Variants in PIP5K1A observed in about 807,000 individuals in gnomAD.
The protein encoded by PIP5K1A is phosphatidylinositol 4-phosphate 5-kinase type-1 alpha.
PIP5K1A carries 46 observed loss-of-function variants against 72.9 expected under a neutral mutation model. The ratio of observed to expected loss-of-function variants is 0.63; its 90% CI spans 0.50 to 0.81. The LOEUF (loss-of-function observed/expected upper bound fraction) is 0.81, where lower values mean the gene tolerates loss of function less well. Ranked by LOEUF, PIP5K1A falls within the 30% of genes least tolerant of loss-of-function variation. The probability of loss-of-function intolerance (pLI) is 0.00; values close to 1 mark genes in which losing one functional copy is unlikely to be tolerated. For missense variants in PIP5K1A, 458 were observed against 706.1 expected, an observed-to-expected ratio of 0.65 and a Z score of 3.98; for synonymous variants, 228 against 255.1, an observed-to-expected ratio of 0.89 and a Z score of 1.01.
At chr1:151,234,125 A>G in intron 7 of PIP5K1A, 72 bp from the exon 8 acceptor site, 2 of 1,175,578 alleles carry the variant, frequency 1.7e-6, no homozygotes, top group South Asian at 1.5e-5. Flanking sequence ...ATGGGTGGTA[A>G]CTTTTACTGG....
At chr1:151,229,093 G>C (rs1194735441) in intron 4 of PIP5K1A, among the ~76,000 whole-genome samples, 1 of 148,936 alleles carries the variant, frequency 6.7e-6, no homozygotes, top group Non-Finnish European at 1.5e-5. Context: ...GCTTGAACCT[G>C]GGAGGCGAAG....
intron 14 of PIP5K1A, among the ~76,000 whole-genome samples, chr1:151,243,826 ATTTAC>A (rs1264059433): frequency 6.6e-6 from 1 of 151,998 alleles, no homozygotes; most frequent in African/African-American, 2.4e-5. Context: ...TCTCCTTGGG[ATTTAC>A]TCCATTAGAC....
At chr1:151,233,831 G>T (rs587737955) in intron 7 of PIP5K1A, 79 of 207,864 alleles carry the variant, frequency 3.8e-4, no homozygotes, top group Non-Finnish European at 6.6e-4. Flanking sequence ...TACTCTGATT[G>T]CTATTGGAGG....
chr1:151,206,284 C>G (rs1412046484), intron 1 of PIP5K1A, among the ~76,000 whole-genome samples: 1 of 152,108 alleles, frequency 6.6e-6, no homozygotes, highest in Non-Finnish European at 1.5e-5. Flanking sequence ...CCTGGAAAAT[C>G]TCTCTTGTTG....
chr1:151,230,836 G>A (rs587732787), intron 4 of PIP5K1A, among the ~76,000 whole-genome samples: 13 of 152,212 alleles, frequency 8.5e-5, no homozygotes, highest in Middle Eastern at 3.4e-3. Flanking sequence ...CTCCGCCCGC[G>A]CCCACCCCAC....
At chr1:151,203,630 C>T (rs373042539) in intron 1 of PIP5K1A, among the ~76,000 whole-genome samples, 18 of 151,938 alleles carry the variant, frequency 1.2e-4, no homozygotes, top group Middle Eastern at 3.4e-3. Context: ...TGGAGACCAT[C>T]CTAACCAACG....
At chr1:151,234,518 CA>C in intron 8 of PIP5K1A, 22 bp downstream of exon 8, 1 of 1,598,750 alleles carries the variant, frequency 6.3e-7, no homozygotes, top group East Asian at 2.2e-5. Context: ...ACTTAGACAT[CA>C]AAAATCTCAG....
intron 1 of PIP5K1A, among the ~76,000 whole-genome samples, chr1:151,208,912 T>C (rs957518624): frequency 5.9e-5 from 9 of 151,276 alleles, no homozygotes; most frequent in Non-Finnish European, 1.2e-4. Flanking sequence ...TTTTGTATTT[T>C]TTTTGGTGGG....
chr1:151,201,993 G>A (rs1173682381), intron 1 of PIP5K1A, among the ~76,000 whole-genome samples: 1 of 152,154 alleles, frequency 6.6e-6, no homozygotes, highest in African/African-American at 2.4e-5. Flanking sequence ...ACATCTCTTA[G>A]AGCTTATGGT....
intron 8 of PIP5K1A, 45 bp from the exon 9 acceptor site, chr1:151,236,513 T>C (rs1016626890): frequency 7.1e-7 from 1 of 1,407,814 alleles, no homozygotes; most frequent in Non-Finnish European, 9.9e-7. Context: ...GAAAAATATT[T>C]TTATTTCTTC....
At position 151,242,193 on chromosome 1, in the gene PIP5K1A, C is replaced by T; in HGVS notation, c.1434C>T (p.Asn478=). 1 of 1,614,032 alleles carries T rather than the reference C, an allele frequency of 6.2e-7. No individual in the cohort carries two copies. The highest frequency in any genetic ancestry group is 8.5e-7 in the Non-Finnish European group (1 of 1,179,882). The change falls in exon 13 of 16, where the codon AAC becomes AAT. Residue 478 remains asparagine (N), a synonymous_variant. Transcript: ENST00000368888. Reference sequence around the variant, plus strand: ...CTCGGCGAGCAGGCTCCAGTGGCAACTCCTGCATTACTTACCAGCCATCGG... The same window carrying T: ...CTCGGCGAGCAGGCTCCAGTGGCAATTCCTGCATTACTTACCAGCCATCGG... ...SFSRRAGSSG[N]SCITYQPSVS...
At position 151,242,428 on chromosome 1, in the gene PIP5K1A, T is replaced by C. The variant is rs587666048; in HGVS notation, c.1511-10T>C. On this transcript the variant is annotated splice_polypyrimidine_tract_variant and intron_variant, in intron 13 of 15. Coordinates refer to ENST00000368888, the MANE Select transcript of PIP5K1A (RefSeq NM_001135638.2). ...TTTACTGTACCCCATCTTCTCTATC[T>C]TTTTTCCAGGCGTTCACCTTGGTCG... 2 of 1,612,236 alleles carry C rather than the reference T, an allele frequency of 1.2e-6. No homozygotes were observed. Among genetic ancestry groups the C allele is most frequent in the Non-Finnish European group, 1.7e-6 (2 of 1,179,562 alleles).
intron 1 of PIP5K1A, among the ~76,000 whole-genome samples, chr1:151,211,531 T>C (rs1376407432): frequency 6.6e-6 from 1 of 151,928 alleles, no homozygotes; most frequent in Non-Finnish European, 1.5e-5. Context: ...GCGTGGTGGC[T>C]CATGCCTGTA....
At chr1:151,214,349 T>C (rs1687274919) in intron 1 of PIP5K1A, among the ~76,000 whole-genome samples, 1 of 152,092 alleles carries the variant, frequency 6.6e-6, no homozygotes, top group South Asian at 2.1e-4. Flanking sequence ...GGCTTTTTGC[T>C]TTGTTTTTTT....
At chr1:151,224,974 A>G (rs1046208468) in intron 3 of PIP5K1A, among the ~76,000 whole-genome samples, 1 of 152,150 alleles carries the variant, frequency 6.6e-6, no homozygotes, top group African/African-American at 2.4e-5. Flanking sequence ...GTCAGGTGAT[A>G]TACTGAGAGT....
rs770221352 is a variant in PIP5K1A, at chr1:151,234,257, G to A, written c.700G>A (p.Ala234Thr). The A allele has an allele frequency of 9.9e-6, 16 of 1,613,900 alleles. No homozygotes were observed. The highest frequency in any genetic ancestry group is 5.3e-5 in the African/African-American group (4 of 74,898). The change falls in exon 8 of 16, where the codon GCA becomes ACA. Residue 234 changes from alanine to threonine, a missense_variant. By Grantham distance (58) the Ala-to-Thr change is moderately conservative. Coordinates refer to ENST00000368888, the MANE Select transcript of PIP5K1A (RefSeq NM_001135638.2). ...ATTCTATGGACTGTACTGTGTGCAGGCAGGTGGCAAGAACATTCGGATTGT... is the reference window on the plus strand; with the variant it reads ...ATTCTATGGACTGTACTGTGTGCAGACAGGTGGCAAGAACATTCGGATTGT... ...PKFYGLYCVQ[A>T]GGKNIRIVVM...
chr1:151,199,152 G>A, intron 1 of PIP5K1A, 71 bp downstream of exon 1: 2 of 1,609,372 alleles, frequency 1.2e-6, no homozygotes, highest in Non-Finnish European at 8.5e-7. Context: ...AGACCTAAGA[G>A]GGTACCTGTA....
chr1:151,196,353 T>C (rs1382769686), upstream of PIP5K1A, among the ~76,000 whole-genome samples: 1 of 152,088 alleles, frequency 6.6e-6, no homozygotes, highest in Non-Finnish European at 1.5e-5. Context: ...TCCTGTTTAG[T>C]TGAGTGGAGG....
At chr1:151,208,219 G>A (rs1686223278) in intron 1 of PIP5K1A, among the ~76,000 whole-genome samples, 1 of 152,086 alleles carries the variant, frequency 6.6e-6, no homozygotes, top group African/African-American at 2.4e-5. Flanking sequence ...CCCAGGACTG[G>A]TAGATCAAAT....
Sources: gnomAD v4.1 joint callset for allele counts (sites outside exome capture counted in the v4.1 genomes callset) on GRCh38, gnomAD v4.1.1 for gene constraint, MANE v1.5 for transcripts, NCBI Gene and HGNC (gene_info 2026-07-23, HGNC 2026-07-21) for gene names.